PCDH15: variants seen among roughly 807,000 people sequenced by gnomAD.
The protein encoded by PCDH15 is protocadherin related 15.
Under a neutral mutation model 178.5 loss-of-function variants are expected in PCDH15, and 129 were observed. The observed-to-expected ratio is 0.72, with a 90% CI of 0.63 to 0.84. The LOEUF (loss-of-function observed/expected upper bound fraction) is 0.84. Among genes scored for constraint, PCDH15 ranks in the 40% least tolerant of loss-of-function variants. PCDH15 has a pLI of 0.00. For missense variants in PCDH15, 2,230 were observed against 2,099.9 expected (o/e 1.06, Z -1.21); for synonymous variants, 800 against 732.0 (o/e 1.09, Z -1.50).
intron 2 of PCDH15, among the ~76,000 whole-genome samples, chr10:54,611,160 T>G (rs1275824143): frequency 1.3e-5 from 2 of 151,834 alleles, no homozygotes; most frequent in African/African-American, 4.8e-5. Flanking sequence ...TGTTGAGTAT[T>G]TATAATTATC....
rs1359291094 is a variant in PCDH15, at chr10:55,587,343, CAT to C, written c.-156+40280_-156+40281del. On this transcript the variant is annotated intron_variant, in intron 2 of 5. Coordinates refer to the PCDH15 transcript ENST00000613346. ...AATCAACATTAATGTTGACAATATT[CAT>C]ATATAAGGCTTTTTAATTATTTAAA... is the stretch of plus-strand genomic sequence containing the variant. Among the ~76,000 whole-genome samples the C allele has an allele frequency of 6.6e-5, 10 of 151,978 alleles. 1 individual carries two copies. Among genetic ancestry groups the C allele is most frequent in the Admixed American group, 3.9e-4 (6 of 15,238 alleles).
At chr10:54,017,077 A>G (rs2660136) in intron 20 of PCDH15, among the ~76,000 whole-genome samples, 116,177 of 152,058 alleles carry the variant, frequency 0.76, 44,652 homozygotes, top group Middle Eastern at 0.86. Context: ...GGGCTGGAGT[A>G]CAGTGCTGTG....
At chr10:54,461,645 A>T (rs2077172470) in intron 3 of PCDH15, among the ~76,000 whole-genome samples, 1 of 152,218 alleles carries the variant, frequency 6.6e-6, no homozygotes, top group African/African-American at 2.4e-5. Context: ...TGCAAATATT[A>T]AATATTGCTT....
chr10:55,112,320 C>T (rs1837528345), intron 2 of PCDH15, among the ~76,000 whole-genome samples: 1 of 152,050 alleles, frequency 6.6e-6, no homozygotes, highest in African/African-American at 2.4e-5. Context: ...TGCCCTCTGT[C>T]CACCATGTGA....
At chr10:55,546,030 T>G (rs1392959216) in intron 2 of PCDH15, among the ~76,000 whole-genome samples, 1 of 152,116 alleles carries the variant, frequency 6.6e-6, no homozygotes, top group Non-Finnish European at 1.5e-5. Flanking sequence ...TCAGGCAAAG[T>G]TTTCACAGAT....
At chr10:54,241,534 A>G (rs1339897022) in intron 8 of PCDH15, among the ~76,000 whole-genome samples, 1 of 152,218 alleles carries the variant, frequency 6.6e-6, no homozygotes, top group Non-Finnish European at 1.5e-5. Context: ...GTCAAGAAAC[A>G]CAGAAAGAGC....
At chr10:54,931,027 T>C (rs985920987) in intron 2 of PCDH15, among the ~76,000 whole-genome samples, 2 of 152,226 alleles carry the variant, frequency 1.3e-5, no homozygotes, top group Non-Finnish European at 2.9e-5. Flanking sequence ...CCTTTGGAGC[T>C]ACATTCCATT....
intron 2 of PCDH15, among the ~76,000 whole-genome samples, chr10:55,358,524 T>G (rs1344031098): frequency 6.6e-6 from 1 of 152,108 alleles, no homozygotes; most frequent in African/African-American, 2.4e-5. Flanking sequence ...TATAGTGAAT[T>G]TCAAGAGGAT....
At chr10:53,888,461 A>T (rs1480205235) in intron 26 of PCDH15, among the ~76,000 whole-genome samples, 1 of 143,586 alleles carries the variant, frequency 7.0e-6, no homozygotes, top group Middle Eastern at 3.6e-3. Flanking sequence ...GGAGATATGC[A>T]TAAGTTCAGA....
intron 1 of PCDH15, among the ~76,000 whole-genome samples, chr10:55,245,814 A>G (rs1329815188): frequency 6.6e-6 from 1 of 152,190 alleles, no homozygotes; most frequent in Non-Finnish European, 1.5e-5. Context: ...CATAACACGA[A>G]TTTGTGAAGA....
At chr10:55,267,628 G>T (rs1212851538) in intron 1 of PCDH15, among the ~76,000 whole-genome samples, 1 of 152,130 alleles carries the variant, frequency 6.6e-6, no homozygotes, top group Non-Finnish European at 1.5e-5. Flanking sequence ...CTATAACAAT[G>T]TCCCTTTTCA....
chr10:54,579,474 C>A (rs557980548), intron 2 of PCDH15, among the ~76,000 whole-genome samples: 1 of 152,074 alleles, frequency 6.6e-6, no homozygotes, highest in Non-Finnish European at 1.5e-5. Flanking sequence ...AATATTGGAG[C>A]ACCCAATTCA....
chr10:54,280,304 A>G (rs1422117300), intron 8 of PCDH15, among the ~76,000 whole-genome samples: 1 of 148,034 alleles, frequency 6.8e-6, no homozygotes, highest in African/African-American at 2.5e-5. Flanking sequence ...TTTCTTCTAG[A>G]GCAGTTCAGT....
chr10:54,186,245 T>C (rs1293125664), intron 11 of PCDH15, among the ~76,000 whole-genome samples: 3 of 152,024 alleles, frequency 2.0e-5, no homozygotes, highest in African/African-American at 7.2e-5. Context: ...AAAGTATGCA[T>C]AGCATGATAT....
intron 2 of PCDH15, among the ~76,000 whole-genome samples, chr10:54,585,752 G>A (rs1451725535): frequency 1.3e-5 from 2 of 152,048 alleles, no homozygotes; most frequent in Non-Finnish European, 2.9e-5. Flanking sequence ...AACTTCAGCA[G>A]GTTCCCAGAG....
chr10:54,505,874 C>T (rs551797836), intron 3 of PCDH15, among the ~76,000 whole-genome samples: 1 of 152,188 alleles, frequency 6.6e-6, no homozygotes, highest in South Asian at 2.1e-4. Context: ...GAAAGTTGAT[C>T]TAACTAAGAT....
intron 3 of PCDH15, among the ~76,000 whole-genome samples, chr10:54,426,074 A>G (rs1454603598): frequency 6.6e-6 from 1 of 152,186 alleles, no homozygotes; most frequent in African/African-American, 2.4e-5. Context: ...ACAAACAGCT[A>G]TCTAATGATT....
intron 1 of PCDH15, among the ~76,000 whole-genome samples, chr10:54,733,559 C>T (rs76770358): frequency 0.012 from 1,826 of 151,344 alleles, 38 homozygotes; most frequent in African/African-American, 0.042. Flanking sequence ...TATACATTTC[C>T]AATTGAATTC....
rs74926636 is a variant in PCDH15 at position 54,909,603 on chromosome 10, G to A, written c.-79-12103C>T. Among the ~76,000 whole-genome samples the A allele has an allele frequency of 9.4e-3, 1,427 of 152,164 alleles. 17 individuals are homozygous for A. The highest frequency in any genetic ancestry group is 0.032 in the African/African-American group (1,325 of 41,552). ...TGCGGTGACAGGGAGGCATTCCTGG[G>A]CCCTCAGAGTGCAAAGATTCCCTGG... On this transcript the variant is annotated intron_variant, in intron 2 of 5. Coordinates refer to the PCDH15 transcript ENST00000458638.
Sources: allele counts gnomAD v4.1 joint callset (sites outside exome capture counted in the v4.1 genomes callset), GRCh38; gene constraint gnomAD v4.1.1; transcripts MANE v1.5; gene names NCBI Gene and HGNC (gene_info 2026-07-23, HGNC 2026-07-21).